TM4SF19: variants seen among roughly 807,000 people sequenced by gnomAD.
TM4SF19 encodes transmembrane 4 L6 family member 19.
In TM4SF19, 17 loss-of-function variants were observed where a neutral mutation model predicts 21.8. The ratio of observed to expected loss-of-function variants is 0.78; its 90% CI spans 0.53 to 1.17. TM4SF19 has a LOEUF of 1.17. TM4SF19 is among the 50% of genes most tolerant of loss of function. The pLI, the probability that TM4SF19 is intolerant of heterozygous loss-of-function variation, is 0.00. For synonymous variants in TM4SF19, 107 were observed against 106.7 expected (o/e 1.00, Z -0.02); for missense variants, 216 against 252.1 (o/e 0.86, Z 0.97).
Position 196,336,615 on chromosome 3 carries a change from C to T in TM4SF19, c.-2+1649G>A, listed in dbSNP as rs183614045. Among the ~76,000 whole-genome samples the T allele has an allele frequency of 2.4e-3, 373 of 152,342 alleles. 4 individuals are homozygous for T. Among genetic ancestry groups the T allele is most frequent in the African/African-American group, 8.9e-3 (369 of 41,574 alleles). ...TCACCCCTCCTCCTGACTTTATTCC[C>T]CTAGAAATTATAACATTTGGAGAAA... On this transcript the variant is annotated intron_variant, in intron 1 of 4. Coordinates refer to ENST00000273695, the MANE Select transcript of TM4SF19 (RefSeq NM_138461.4).
rs754080684 is a variant in TM4SF19 at position 196,324,336 on chromosome 3, A to G, written c.384T>C (p.Asp128=). 1.2e-6 allele frequency: 2 copies of G among 1,614,214 alleles called. No homozygotes were observed. The highest frequency in any genetic ancestry group is 1.7e-6 in the Non-Finnish European group (2 of 1,180,048). ...CTTGTGTCTGATTGAAGGATGAAAC[A>G]TCAAACATGCAAAAAGGACCATCTT... The part of the protein sequence containing the change: ...ALKDGPFCMF[D]VSSFNQTQAW... Residue 128 remains aspartate (D), a synonymous_variant, in exon 4 of 5, where the codon GAT becomes GAC. Transcript: ENST00000273695.
At position 196,327,587 on chromosome 3, in the gene TM4SF19, C is replaced by A. The variant is rs981408129; in HGVS notation, c.4G>T (p.Val2Leu). Reference protein sequence around the residue: MVSSPCTQASSR... With the variant: MLSSPCTQASSR... ...CTTGCCTGCGTGCAGGGAGAGGACA[C>A]CATCCTGGAACAGATAGAAAGGGAG... is the stretch of plus-strand genomic sequence containing the variant. The change falls in exon 2 of 5, where the codon GTG becomes TTG. Residue 2 changes from valine (V) to leucine (L), a missense_variant. Coordinates refer to ENST00000273695, the MANE Select transcript of TM4SF19 (RefSeq NM_138461.4). 27 of 1,613,332 alleles carry A rather than the reference C, an allele frequency of 1.7e-5. No individual in the cohort carries two copies. Among genetic ancestry groups the A allele is most frequent in the Non-Finnish European group, 2.3e-5 (27 of 1,179,920 alleles).
At chr3:196,336,567 C>T (rs1194798888) in intron 1 of TM4SF19, among the ~76,000 whole-genome samples, 1 of 152,256 alleles carries the variant, frequency 6.6e-6, no homozygotes, top group Admixed American at 6.5e-5. Flanking sequence ...AAGCACTTGC[C>T]GCACTGCGGC....
intron 4 of TM4SF19, 57 bp from the exon 5 acceptor site, chr3:196,324,054 G>C (rs775364875): frequency 6.3e-7 from 1 of 1,588,976 alleles, no homozygotes; most frequent in Non-Finnish European, 8.6e-7. Context: ...AAGCCAAACA[G>C]GCAACCCCAG....
At chr3:196,334,392 T>G (rs1727636749) in intron 1 of TM4SF19, among the ~76,000 whole-genome samples, 1 of 151,960 alleles carries the variant, frequency 6.6e-6, no homozygotes. Flanking sequence ...TTTTTTTTTT[T>G]GAGATGGAGT....
chr3:196,334,799 G>A (rs931857346), intron 1 of TM4SF19, among the ~76,000 whole-genome samples: 1 of 146,130 alleles, frequency 6.8e-6, no homozygotes, highest in Admixed American at 6.9e-5. Context: ...GGTGCCCTGG[G>A]AGGGTGGGGG....
chr3:196,332,576 C>T (rs1397937848), intron 1 of TM4SF19, among the ~76,000 whole-genome samples: 1 of 151,494 alleles, frequency 6.6e-6, no homozygotes, highest in African/African-American at 2.4e-5. Flanking sequence ...ATATCATATA[C>T]ATATAATGTA....
Position 196,323,693 on chromosome 3 carries a change from T to C in TM4SF19, c.*124A>G. ...CACCGACCTGCAGTGAATTTTGTTG[T>C]CATTATTACTCCAGGGATACCTAAA... On this transcript the variant is annotated 3_prime_UTR_variant, in exon 5 of 5. Coordinates refer to ENST00000273695, the MANE Select transcript of TM4SF19 (RefSeq NM_138461.4). 6.5e-7 allele frequency: 1 copy of C among 1,546,124 alleles called. No individual in the cohort carries two copies. Among genetic ancestry groups the C allele is most frequent in the Non-Finnish European group, 8.7e-7 (1 of 1,143,550 alleles).
Position 196,325,799 on chromosome 3 carries a change from C to T in TM4SF19, c.279+1156G>A, listed in dbSNP as rs913569673. On this transcript the variant is annotated intron_variant, in intron 3 of 4. Coordinates refer to ENST00000273695, the MANE Select transcript of TM4SF19 (RefSeq NM_138461.4). This position sits in a 1 kb window ranked among gnomAD's most constrained non-coding sequence, Gnocchi z 4.3. ...ACCTGTTAGAAATGCAAAACTTCCC[C>T]GCCATCCTGAATCAGAAACTCTGGG... 1.3e-5 allele frequency among the ~76,000 whole-genome samples: 2 copies of T among 152,144 alleles called. No individual in the cohort carries two copies. Among genetic ancestry groups the T allele is most frequent in the African/African-American group, 2.4e-5 (1 of 41,430 alleles).
chr3:196,325,745 C>A lies in TM4SF19; in HGVS notation c.279+1210G>T, dbSNP rs12633502. 6.6e-6 allele frequency among the ~76,000 whole-genome samples: 1 copy of A among 151,786 alleles called. No homozygotes were observed. The highest frequency in any genetic ancestry group is 1.5e-5 in the Non-Finnish European group (1 of 67,948). ...GGGCAGTGGTTCCCAAAATGGGGTC[C>A]CTGCCCAGCCGCATCACATCACCTG... On this transcript the variant is annotated intron_variant, in intron 3 of 4. Transcript: ENST00000273695. The surrounding 1 kb of genome is among the most constrained non-coding windows in gnomAD (Gnocchi z 4.3).
chr3:196,326,852 G>T, intron 3 of TM4SF19, 103 bp downstream of exon 3: 1 of 818,684 alleles, frequency 1.2e-6, no homozygotes. Flanking sequence ...GTGAGGACCT[G>T]ACTTCAGGCC....
At chr3:196,331,186 G>T (rs1475598638) in intron 1 of TM4SF19, among the ~76,000 whole-genome samples, 1 of 151,940 alleles carries the variant, frequency 6.6e-6, no homozygotes, top group Non-Finnish European at 1.5e-5. Flanking sequence ...TGAGGCAGCA[G>T]AATCGCTTGA....
intron 1 of TM4SF19, among the ~76,000 whole-genome samples, chr3:196,334,143 T>C (rs1268636448): frequency 6.6e-6 from 1 of 152,202 alleles, no homozygotes; most frequent in Admixed American, 6.5e-5. Context: ...TTAACACCCA[T>C]GTAAACACAA....
At chr3:196,331,993 A>G (rs73212183) in intron 1 of TM4SF19, among the ~76,000 whole-genome samples, 85,611 of 151,074 alleles carry the variant, frequency 0.57, 24,811 homozygotes, top group East Asian at 0.9. Context: ...TATAGAGGCC[A>G]GGCACGGTGG....
intron 2 of TM4SF19, 127 bp from the exon 3 acceptor site, chr3:196,327,159 G>T: frequency 1.2e-6 from 1 of 832,306 alleles, no homozygotes; most frequent in Non-Finnish European, 1.9e-6. Flanking sequence ...TGACTCTGGG[G>T]ACCCACATTT....
In TM4SF19 at chr3:196,337,051, CTTTTTTTT is replaced by C. The variant is rs35897935; in HGVS notation, c.-2+1205_-2+1212del. Among the ~76,000 whole-genome samples, 92 of 67,840 alleles carry C rather than the reference CTTTTTTTT, an allele frequency of 1.4e-3. 1 individual carries two copies. The highest frequency in any genetic ancestry group is 5.6e-3 in the South Asian group (10 of 1,780). 44.5% of individuals were successfully genotyped at this position (67,840 alleles called of 152,430 possible). ...GACACTGCTGACGCAAAAAGCAATT[CTTTTTTTT>C]TTTTTTTTTTTTTTTTTTTGAGACA... On this transcript the variant is annotated intron_variant, in intron 1 of 4. Coordinates refer to ENST00000273695, the MANE Select transcript of TM4SF19 (RefSeq NM_138461.4).
At position 196,327,959 on chromosome 3, in the gene TM4SF19, CAATACGAAAATAAA is replaced by C. The variant is rs541965312; in HGVS notation, c.-1-382_-1-369del. On this transcript the variant is annotated intron_variant, in intron 1 of 4. Transcript: ENST00000273695. ...AACGTTGTACTGGTCCTGGCCAGTG[CAATACGAAAATAAA>C]AGGAAGCAAAAGCCACACAGATAGG... 3.3e-5 allele frequency among the ~76,000 whole-genome samples: 5 copies of C among 151,946 alleles called. No homozygotes were observed. The East Asian group carries it at 9.7e-4, about 29-fold the overall frequency.
intron 1 of TM4SF19, 103 bp from the exon 2 acceptor site, chr3:196,327,694 G>A (rs59016656): frequency 0.2 from 195,575 of 956,536 alleles, 21,538 homozygotes; most frequent in South Asian, 0.31. Flanking sequence ...TACAGAAACC[G>A]CCACCTTCCA....
intron 1 of TM4SF19, among the ~76,000 whole-genome samples, chr3:196,337,711 C>T (rs1190394584): frequency 2.0e-5 from 3 of 152,204 alleles, no homozygotes; most frequent in Non-Finnish European, 4.4e-5. Context: ...TCTAACAGCA[C>T]ATTTGGGTGT....
Sources: gnomAD v4.1 joint callset for allele counts (sites outside exome capture counted in the v4.1 genomes callset) on GRCh38, gnomAD v4.1.1 for gene constraint, Gnocchi (gnomAD v3.1) non-coding constraint, MANE v1.5 for transcripts, NCBI Gene and HGNC (gene_info 2026-07-23, HGNC 2026-07-21) for gene names.